TRIM25: variants seen among roughly 807,000 people sequenced by gnomAD.
TRIM25 encodes the protein tripartite motif containing 25, also known as E3 ubiquitin/ISG15 ligase TRIM25.
Under a neutral mutation model 65.2 loss-of-function variants are expected in TRIM25, and 45 were observed. The observed-to-expected ratio is 0.69, with a 90% CI of 0.54 to 0.89. The LOEUF (loss-of-function observed/expected upper bound fraction) is 0.89, where lower values mean the gene tolerates loss of function less well. Ranked by LOEUF, TRIM25 falls within the 40% of genes least tolerant of loss-of-function variation. The pLI is 0.00. For missense variants in TRIM25, 714 were observed against 803.7 expected, an observed-to-expected ratio of 0.89 and a Z score of 1.35; for synonymous variants, 321 against 340.4, an observed-to-expected ratio of 0.94 and a Z score of 0.63.
chr17:56,890,399 T>C lies in TRIM25; in HGVS notation c.*1301A>G, dbSNP rs1264496413. The C allele has an allele frequency of 2.8e-6, 1 of 354,654 alleles. No individual in the cohort carries two copies. The highest frequency in any genetic ancestry group is 5.6e-6 in the Non-Finnish European group (1 of 178,646). 22.0% of individuals were successfully genotyped at this position (354,654 alleles called of 1,614,324 possible). Reference sequence around the variant, plus strand: ...GCTCTTTCCCTCCCTCCCTGATCAATGTGAGCTTATATAATTGGCTTAAAT... The same window carrying C: ...GCTCTTTCCCTCCCTCCCTGATCAACGTGAGCTTATATAATTGGCTTAAAT... On this transcript the variant is annotated 3_prime_UTR_variant, in exon 9 of 9. Transcript: ENST00000316881.
chr17:56,911,361 C>T (rs1909624473), intron 1 of TRIM25, among the ~76,000 whole-genome samples: 1 of 152,040 alleles, frequency 6.6e-6, no homozygotes, highest in African/African-American at 2.4e-5. Context: ...GCGGGTGGAT[C>T]ACAAGGGCAG....
chr17:56,911,124 C>T (rs1185297938), intron 1 of TRIM25, among the ~76,000 whole-genome samples: 1 of 151,898 alleles, frequency 6.6e-6, no homozygotes, highest in Non-Finnish European at 1.5e-5. Flanking sequence ...AAAATATTAG[C>T]TGGGTGTGGT....
intron 5 of TRIM25, among the ~76,000 whole-genome samples, chr17:56,898,363 G>A (rs191889837): frequency 1.3e-5 from 2 of 152,168 alleles, no homozygotes; most frequent in East Asian, 3.9e-4. Flanking sequence ...AGTGGTATAT[G>A]GCTCATAAAG....
In TRIM25 at chr17:56,892,062, T is replaced by C; in HGVS notation, c.1531A>G (p.Ile511Val). 1.2e-6 allele frequency: 2 copies of C among 1,614,122 alleles called. No individual in the cohort carries two copies. The highest frequency in any genetic ancestry group is 8.5e-7 in the Non-Finnish European group (1 of 1,180,016). The change falls in exon 9 of 9, where the codon ATC (isoleucine) becomes GTC (valine). Residue 511 changes from isoleucine to valine, a missense_variant. This residue lies in a region of TRIM25 where 413 missense variants were observed against 498.2 expected (regional missense o/e 0.83). Coordinates refer to ENST00000316881, the MANE Select transcript of TRIM25 (RefSeq NM_005082.5). ...TGCAGCTCCACCTCCCAGTAGTGGA[T>C]CCCCTTCTTGTAGCAGTGCAGGCCC... ...VLGLHCYKKG[I>V]HYWEVELQKN...
chr17:56,890,803 T>C lies in TRIM25; in HGVS notation c.*897A>G, dbSNP rs1255824072. On this transcript the variant is annotated 3_prime_UTR_variant, in exon 9 of 9. Coordinates refer to ENST00000316881, the MANE Select transcript of TRIM25 (RefSeq NM_005082.5). ...AGCAAACCCACCAGGCTTCTGTTGA[T>C]CCAGGGCAGCATCCCCCTCGCCTGG... 2.2e-6 allele frequency: 1 copy of C among 456,094 alleles called. No homozygotes were observed. Among genetic ancestry groups the C allele is most frequent in the Non-Finnish European group, 4.4e-6 (1 of 226,916 alleles). 28.3% of individuals were successfully genotyped at this position (456,094 alleles called of 1,614,324 possible). A position where few individuals can be genotyped will look rare whatever the true frequency, so the allele number is the denominator to read the frequency against.
intron 5 of TRIM25, chr17:56,898,831 C>T (rs1476651320): frequency 5.6e-6 from 2 of 354,300 alleles, no homozygotes; most frequent in African/African-American, 4.3e-5. Context: ...CATCAGTCTC[C>T]TTGCCCAAGG....
chr17:56,893,081 G>A (rs192669511), intron 8 of TRIM25, among the ~76,000 whole-genome samples: 2 of 152,340 alleles, frequency 1.3e-5, no homozygotes, highest in East Asian at 3.9e-4. Flanking sequence ...GGAGTGCCAA[G>A]GGGATTCGCA....
intron 6 of TRIM25, 130 bp from the exon 7 acceptor site, chr17:56,895,734 G>T: frequency 8.2e-7 from 1 of 1,221,062 alleles, no homozygotes; most frequent in Non-Finnish European, 1.1e-6. Context: ...AACAGACAAG[G>T]CTAAAGTCAC....
rs760966654 is a variant in TRIM25 at position 56,895,330 on chromosome 17, C to T, written c.1363+13G>A. 2.5e-5 allele frequency: 41 copies of T among 1,610,698 alleles called. No homozygotes were observed. Among genetic ancestry groups the T allele is most frequent in the Admixed American group, 5.0e-5 (3 of 59,992 alleles). ...AACCAGTGGAACCGCGCACCAGCCC[C>T]GAAGCTACTCACACTCCAGGAGCTC... is the stretch of plus-strand genomic sequence containing the variant. On this transcript the variant is annotated intron_variant, in intron 8 of 8. Coordinates refer to ENST00000316881, the MANE Select transcript of TRIM25 (RefSeq NM_005082.5).
chr17:56,888,525 T>C lies in TRIM25; in HGVS notation c.*3175A>G, dbSNP rs1660262725. The C allele has an allele frequency of 6.6e-6, 1 of 151,756 alleles. No homozygotes were observed. The highest frequency in any genetic ancestry group is 1.5e-5 in the Non-Finnish European group (1 of 67,980). 9.4% of individuals were successfully genotyped at this position (151,756 alleles called of 1,614,324 possible). A position where few individuals can be genotyped will look rare whatever the true frequency, so the allele number is the denominator to read the frequency against. On this transcript the variant is annotated 3_prime_UTR_variant, in exon 9 of 9. Transcript: ENST00000316881. ...TTTTTTTTTTTAAAGCTTTTTATTA[T>C]AGACATTTTCAAACATATACAACAG...
Position 56,890,488 on chromosome 17 carries a change from G to A in TRIM25, c.*1212C>T, listed in dbSNP as rs1375245882. The A allele has an allele frequency of 1.2e-5, 5 of 420,508 alleles. No homozygotes were observed. Among genetic ancestry groups the A allele is most frequent in the Non-Finnish European group, 2.4e-5 (5 of 208,666 alleles). The allele number at this position is 420,508 out of a possible 1,614,324, so 26.0% of individuals were successfully genotyped here. A position where few individuals can be genotyped will look rare whatever the true frequency, so the allele number is the denominator to read the frequency against. On this transcript the variant is annotated 3_prime_UTR_variant, in exon 9 of 9. Coordinates refer to ENST00000316881, the MANE Select transcript of TRIM25 (RefSeq NM_005082.5). ...TCTGACTCACGCAAGGGCCAGTGCT[G>A]GGTCTGCAGCCTGTGGCCAGGGATG...
intron 4 of TRIM25, 40 bp downstream of exon 4, chr17:56,901,379 G>C: frequency 6.3e-7 from 1 of 1,595,924 alleles, no homozygotes; most frequent in Non-Finnish European, 8.6e-7. Flanking sequence ...TCGGGTTGCA[G>C]GGTTCCACAG....
At position 56,901,426 on chromosome 17, in the gene TRIM25, G is replaced by C. The variant is rs372606435; in HGVS notation, c.1080C>G (p.Pro360=). 1.3e-5 allele frequency: 21 copies of C among 1,613,680 alleles called. No individual in the cohort carries two copies. The highest frequency in any genetic ancestry group is 1.7e-5 in the Non-Finnish European group (20 of 1,179,948). The part of the protein sequence containing the change: ...QCIGRLQEPT[P]SSGDPGEHDP... ...GGGGGCTGCTAAGGTCACCTGAACTGGGGGTGGGCTCCTGGAGCCGCCCGA... is the reference window on the plus strand; with the variant it reads ...GGGGGCTGCTAAGGTCACCTGAACTCGGGGTGGGCTCCTGGAGCCGCCCGA... Residue 360 remains proline (P), a synonymous_variant, in exon 4 of 9, where the codon CCC becomes CCG. Transcript: ENST00000316881.
At chr17:56,893,388 G>A (rs895207228) in intron 8 of TRIM25, among the ~76,000 whole-genome samples, 6 of 152,200 alleles carry the variant, frequency 3.9e-5, no homozygotes, top group East Asian at 3.9e-4. Context: ...CCTGAAAGAC[G>A]TGGCTCAGCA....
In TRIM25 at chr17:56,904,493, G is replaced by A; in HGVS notation, c.694-5C>T. On this transcript the variant is annotated splice_polypyrimidine_tract_variant and splice_region_variant and intron_variant, in intron 2 of 8. Coordinates refer to ENST00000316881, the MANE Select transcript of TRIM25 (RefSeq NM_005082.5). The stretch of plus-strand genomic sequence containing the variant: ...CACCTTTCTGTTTGCAGTCATCTGA[G>A]AGGGCCAAGGTAAGAGGATGCCCGT... 2 of 1,613,840 alleles carry A rather than the reference G, an allele frequency of 1.2e-6. No individual in the cohort carries two copies. The highest frequency in any genetic ancestry group is 1.7e-6 in the Non-Finnish European group (2 of 1,179,862).
At chr17:56,897,077 C>T (rs1909309557) in intron 5 of TRIM25, among the ~76,000 whole-genome samples, 1 of 152,096 alleles carries the variant, frequency 6.6e-6, no homozygotes, top group Non-Finnish European at 1.5e-5. Context: ...CGCACCACTG[C>T]ACTCCAGCCT....
intron 8 of TRIM25, among the ~76,000 whole-genome samples, chr17:56,893,636 T>G (rs1049132736): frequency 2.6e-5 from 4 of 152,370 alleles, no homozygotes; most frequent in African/African-American, 9.6e-5. Flanking sequence ...CCTGGAGTGT[T>G]GCACGTGGGT....
intron 3 of TRIM25, 94 bp from the exon 4 acceptor site, chr17:56,901,672 CAA>C (rs1409385483): frequency 2.6e-6 from 4 of 1,509,536 alleles, no homozygotes; most frequent in Non-Finnish European, 3.6e-6. Flanking sequence ...CCCCTATGCC[CAA>C]GAGTGCTAAG....
At chr17:56,894,147 T>G (rs936780647) in intron 8 of TRIM25, among the ~76,000 whole-genome samples, 1 of 152,212 alleles carries the variant, frequency 6.6e-6, no homozygotes, top group Non-Finnish European at 1.5e-5. Context: ...CTCAAAAGGA[T>G]CATGGAGGAA....
Sources: gnomAD v4.1 joint callset for allele counts (sites outside exome capture counted in the v4.1 genomes callset) on GRCh38, gnomAD v4.1.1 for gene constraint, gnomAD v4.1.1 regional missense constraint, MANE v1.5 for transcripts, NCBI Gene and HGNC (gene_info 2026-07-23, HGNC 2026-07-21) for gene names.